CAST: variants seen among roughly 807,000 people sequenced by gnomAD.
CAST encodes MIR583 host.
A neutral mutation model predicts 119.6 loss-of-function variants in CAST; 76 were observed. The observed-to-expected ratio is 0.64, with a 90% confidence interval of 0.53 to 0.77. The LOEUF (loss-of-function observed/expected upper bound fraction) is 0.77, where lower values mean the gene tolerates loss of function less well. Among genes scored for constraint, CAST ranks in the 30% least tolerant of loss-of-function variants. The probability of loss-of-function intolerance (pLI) is 0.00; values close to 1 mark genes in which losing one functional copy is unlikely to be tolerated. For missense variants in CAST, 953 were observed against 946.5 expected (o/e 1.01, Z -0.09); for synonymous variants, 319 against 331.6 (o/e 0.96, Z 0.41).
At chr5:96,610,442 G>A (rs78115707) in intron 1 of CAST, among the ~76,000 whole-genome samples, 3,381 of 152,242 alleles carry the variant, frequency 0.022, 132 homozygotes, top group African/African-American at 0.069. Context: ...CAATAGATAC[G>A]AAAAGGCATT....
the CAST span, among the ~76,000 whole-genome samples, chr5:95,982,274 C>G: frequency 1.3e-5 from 2 of 151,934 alleles, no homozygotes; most frequent in African/African-American, 4.8e-5. Flanking sequence ...TAACTACAGA[C>G]CTGATTCCAT....
At chr5:96,407,651 T>C in the CAST span, among the ~76,000 whole-genome samples, 2 of 152,216 alleles carry the variant, frequency 1.3e-5, no homozygotes, top group African/African-American at 2.4e-5. Context: ...GACAATGGTG[T>C]TTAAGCATGA....
chr5:96,379,790 C>T, the CAST span: 1 of 152,178 alleles, frequency 6.6e-6, no homozygotes, highest in Non-Finnish European at 1.5e-5. Flanking sequence ...CATTTCTCCT[C>T]AATCAGCCCT....
intron 1 of CAST, among the ~76,000 whole-genome samples, chr5:96,617,489 G>T (rs1747484619): frequency 6.6e-6 from 1 of 151,962 alleles, no homozygotes; most frequent in Admixed American, 6.6e-5. Flanking sequence ...CAATAATATT[G>T]CTTTTAAAAC....
intron 1 of CAST, among the ~76,000 whole-genome samples, chr5:96,558,527 A>G (rs1256070023): frequency 1.3e-5 from 2 of 152,132 alleles, no homozygotes; most frequent in African/African-American, 4.8e-5. Flanking sequence ...AAAGGGGATA[A>G]CACCACAGAT....
chr5:96,599,628 G>A (rs946362787), intron 1 of CAST, among the ~76,000 whole-genome samples: 4 of 151,976 alleles, frequency 2.6e-5, no homozygotes, highest in African/African-American at 9.7e-5. Context: ...CTCACACTCT[G>A]GTAACTTTAA....
intron 1 of CAST, among the ~76,000 whole-genome samples, chr5:96,545,526 A>G (rs144261157): frequency 1.1e-3 from 162 of 152,334 alleles, no homozygotes; most frequent in Middle Eastern, 0.01. Flanking sequence ...CTGCCTCTCC[A>G]TGATGGAAGA....
chr5:96,556,357 G>A (rs898605199), intron 1 of CAST, among the ~76,000 whole-genome samples: 12 of 152,214 alleles, frequency 7.9e-5, no homozygotes, highest in South Asian at 2.1e-4. Flanking sequence ...AAAGCTGGAC[G>A]GAGAATGACT....
At chr5:96,465,820 C>T in the CAST span, among the ~76,000 whole-genome samples, 1 of 152,142 alleles carries the variant, frequency 6.6e-6, no homozygotes. Context: ...CTCATTATTA[C>T]TGGATTCTCA....
intron 10 of CAST, among the ~76,000 whole-genome samples, chr5:96,736,602 A>C (rs570067865): frequency 2.2e-4 from 34 of 152,314 alleles, no homozygotes; most frequent in African/African-American, 7.9e-4. Context: ...GTGTAAGCCT[A>C]ACAGCCTTCA....
chr5:96,307,960 G>A, the CAST span, among the ~76,000 whole-genome samples: 1 of 152,096 alleles, frequency 6.6e-6, no homozygotes, highest in African/African-American at 2.4e-5. Flanking sequence ...GAGTATCTTT[G>A]TGGTGTTCTC....
the CAST span, among the ~76,000 whole-genome samples, chr5:96,004,772 T>A: frequency 6.6e-6 from 1 of 152,116 alleles, no homozygotes; most frequent in Non-Finnish European, 1.5e-5. Context: ...TCAACAAAAT[T>A]TTTGAATATA....
At chr5:96,535,611 T>C (rs994174356) in intron 1 of CAST, among the ~76,000 whole-genome samples, 1 of 138,376 alleles carries the variant, frequency 7.2e-6, no homozygotes, top group African/African-American at 2.8e-5. Context: ...TCTCGCTCTG[T>C]CGCCCAGGCT....
intron 3 of CAST, among the ~76,000 whole-genome samples, chr5:96,718,730 T>TG (rs1757639806): frequency 6.6e-6 from 1 of 152,094 alleles, no homozygotes; most frequent in Non-Finnish European, 1.5e-5. Context: ...GGAGGGAACA[T>TG]GCACGCAGCC....
chr5:96,460,278 G>A, the CAST span, among the ~76,000 whole-genome samples: 1 of 152,052 alleles, frequency 6.6e-6, no homozygotes, highest in South Asian at 2.1e-4. Context: ...AGACCGTGGA[G>A]AACATGGACA....
At chr5:96,278,920 T>C in the CAST span, among the ~76,000 whole-genome samples, 65 of 152,312 alleles carry the variant, frequency 4.3e-4, 1 homozygote, top group East Asian at 5.2e-3. Context: ...GCTTAAAAAA[T>C]GTTGTAGTCT....
chr5:96,445,492 T>C, the CAST span, among the ~76,000 whole-genome samples: 1 of 152,246 alleles, frequency 6.6e-6, no homozygotes, highest in Non-Finnish European at 1.5e-5. Flanking sequence ...GAATGTATTC[T>C]AGACCTCCAT....
the CAST span, among the ~76,000 whole-genome samples, chr5:96,234,014 C>T: frequency 6.6e-6 from 1 of 151,946 alleles, no homozygotes; most frequent in Middle Eastern, 3.2e-3. Flanking sequence ...TAAATTAGAT[C>T]CTTTGGTTAG....
the CAST span, among the ~76,000 whole-genome samples, chr5:95,977,800 C>G: frequency 6.6e-6 from 1 of 152,140 alleles, no homozygotes; most frequent in African/African-American, 2.4e-5. Flanking sequence ...TCTCCAACCT[C>G]GCACCCTACA....
Sources: gnomAD v4.1 joint callset for allele counts (sites outside exome capture counted in the v4.1 genomes callset) on GRCh38, gnomAD v4.1.1 for gene constraint, MANE v1.5 for transcripts, NCBI Gene and HGNC (gene_info 2026-07-23, HGNC 2026-07-21) for gene names.